The following NBPF8 variants were observed in gnomAD, a reference collection of about 807,000 sequenced individuals.
NBPF8 encodes NBPF member 8.
chr1:120,415,972 C>T (rs1553245134), upstream of NBPF8, among the ~76,000 whole-genome samples: 10 of 152,294 alleles, frequency 6.6e-5, no homozygotes, highest in South Asian at 1.2e-3. Context: ...TTGCTTTCCT[C>T]CTATCTTTTG....
At chr1:120,421,358 C>G (rs1660570468) in intron 1 of NBPF8, among the ~76,000 whole-genome samples, 1 of 152,078 alleles carries the variant, frequency 6.6e-6, no homozygotes, top group Admixed American at 6.5e-5. Context: ...TTCCTTCCTT[C>G]CTTCCTTCCC....
downstream of NBPF8, among the ~76,000 whole-genome samples, chr1:120,468,298 G>C (rs1446256107): frequency 0.024 from 3,426 of 145,568 alleles, no homozygotes; most frequent in Non-Finnish European, 0.032. Context: ...ACGCTCATGA[G>C]CTATTCAAAA....
intron 18 of NBPF8, among the ~76,000 whole-genome samples, chr1:120,460,956 T>A (rs1452379657): frequency 6.6e-6 from 1 of 151,182 alleles, no homozygotes; most frequent in East Asian, 1.9e-4. Context: ...AGAGCACAAA[T>A]ACAGAGTGTC....
downstream of NBPF8, among the ~76,000 whole-genome samples, chr1:120,469,260 C>CAA (rs1661844493): frequency 7.1e-6 from 1 of 139,964 alleles, no homozygotes; most frequent in Non-Finnish European, 1.5e-5. Flanking sequence ...CTGAAATTCC[C>CAA]AAGATGGAAG....
exon 25 of NBPF8, chr1:120,465,980 T>A: frequency 6.2e-7 from 1 of 1,611,878 alleles, no homozygotes; most frequent in Non-Finnish European, 8.5e-7. Context: ...TTTTCCAGGC[T>A]CAACAGCGTG....
Position 120,461,275 on chromosome 1 carries a change from T to C in NBPF8, n.2858T>C. 4.4e-6 allele frequency: 3 copies of C among 687,666 alleles called. 1 individual carries two copies. Among genetic ancestry groups the C allele is most frequent in the Non-Finnish European group, 7.6e-6 (3 of 392,720 alleles). 42.6% of individuals were successfully genotyped at this position (687,666 alleles called of 1,614,324 possible). A position where few individuals can be genotyped will look rare whatever the true frequency, so the allele number is the denominator to read the frequency against. On this transcript the variant is annotated non_coding_transcript_exon_variant, in exon 19 of 25. Coordinates refer to ENST00000583271, the Ensembl canonical transcript of NBPF8. ...CCAGGCTCAGCAGGGAGCTGCTGGA[T>C]GAGAAAGGGCCTGAAGTCTTGCAGG... is the stretch of plus-strand genomic sequence containing the variant.
At chr1:120,418,785 T>A (rs1312831705), upstream of NBPF8, among the ~76,000 whole-genome samples, 1 of 148,706 alleles carries the variant, frequency 6.7e-6, no homozygotes, top group African/African-American at 2.5e-5. Context: ...TGGGCTCAAA[T>A]GACCCTCCCA....
At chr1:120,456,288 G>T (rs1288539595) in intron 16 of NBPF8, among the ~76,000 whole-genome samples, 2 of 150,828 alleles carry the variant, frequency 1.3e-5, no homozygotes, top group Non-Finnish European at 2.9e-5. Flanking sequence ...GGTCTGCTTG[G>T]TGGAGAGCTG....
At chr1:120,415,945 C>G (rs1386022058), upstream of NBPF8, among the ~76,000 whole-genome samples, 1 of 152,178 alleles carries the variant, frequency 6.6e-6, no homozygotes, top group Non-Finnish European at 1.5e-5. Flanking sequence ...TTAACCAAGA[C>G]GTTTGGCGTG....
chr1:120,419,669 C>T (rs1448962746), upstream of NBPF8, among the ~76,000 whole-genome samples: 94 of 143,708 alleles, frequency 6.5e-4, no homozygotes, highest in Non-Finnish European at 7.0e-4. Context: ...ACTATGTTGC[C>T]GAGGCTGGTG....
At chr1:120,464,148 TGTG>T in intron 22 of NBPF8, among the ~76,000 whole-genome samples, 3 of 100,138 alleles carry the variant, frequency 3.0e-5, no homozygotes, top group African/African-American at 1.7e-4. Context: ...TGTGTGTGTG[TGTG>T]TGTGTGTGTG....
In NBPF8 at chr1:120,436,478, T is replaced by A. The variant is rs2101618673; in HGVS notation, n.126T>A. ...TTAACCCATCATATGTTTGGGTTTC[T>A]TCTCCCCAGTCCCTGACTCCACCTC... is the stretch of plus-strand genomic sequence containing the variant. On this transcript the variant is annotated non_coding_transcript_exon_variant, in exon 1 of 25. Transcript: ENST00000583271. 4 of 1,329,086 alleles carry A rather than the reference T, an allele frequency of 3.0e-6. No individual in the cohort carries two copies. The South Asian group carries it at 4.7e-5, about 16-fold the overall frequency. 82.3% of individuals were successfully genotyped at this position (1,329,086 alleles called of 1,614,324 possible).
chr1:120,450,142 C>T (rs1419587214), intron 11 of NBPF8, among the ~76,000 whole-genome samples: 1 of 152,052 alleles, frequency 6.6e-6, no homozygotes, highest in African/African-American at 2.4e-5. Context: ...CAGGAGAATC[C>T]TTTGAACCCA....
At chr1:120,468,940 T>A (rs2101709150), downstream of NBPF8, among the ~76,000 whole-genome samples, 1 of 152,198 alleles carries the variant, frequency 6.6e-6, no homozygotes, top group East Asian at 1.9e-4. Context: ...GCCCTGGTGT[T>A]TAGGGGCAGG....
intron 19 of NBPF8, among the ~76,000 whole-genome samples, 151 bp from the exon 18 acceptor site, chr1:120,461,995 T>C (rs1661605003): frequency 2.8e-5 from 2 of 71,562 alleles, no homozygotes; most frequent in Non-Finnish European, 2.7e-5. Context: ...TCTATGGTGA[T>C]CAGCCTTCAG....
exon 23 of NBPF8, chr1:120,464,529 CT>C: frequency 1.1e-6 from 1 of 908,456 alleles, no homozygotes; most frequent in Non-Finnish European, 1.8e-6. Flanking sequence ...AACATGTTGG[CT>C]TTTCTCTTGA....
chr1:120,466,408 G>C, exon 25 of NBPF8: 3 of 735,902 alleles, frequency 4.1e-6, no homozygotes, highest in Admixed American at 3.0e-5. Flanking sequence ...ATGGACCCAC[G>C]TTAGGTGTGA....
At chr1:120,456,737 T>C (rs1476258769) in intron 16 of NBPF8, among the ~76,000 whole-genome samples, 1 of 146,772 alleles carries the variant, frequency 6.8e-6, no homozygotes, top group Non-Finnish European at 1.5e-5. Flanking sequence ...TCTGTGTTTT[T>C]TAACTGGGGC....
At chr1:120,415,911 A>G (rs1660425667), upstream of NBPF8, among the ~76,000 whole-genome samples, 1 of 152,132 alleles carries the variant, frequency 6.6e-6, no homozygotes, top group African/African-American at 2.4e-5. Context: ...AGATCTTCTC[A>G]TTTGGCGTCC....
Sources: allele counts gnomAD v4.1 joint callset (sites outside exome capture counted in the v4.1 genomes callset), GRCh38; gene constraint gnomAD v4.1.1; transcripts MANE v1.5; gene names NCBI Gene and HGNC (gene_info 2026-07-23, HGNC 2026-07-21).